Variants in ANO2 observed in about 807,000 individuals in gnomAD.
ANO2 encodes the protein anoctamin 2.
ANO2 carries 101 observed loss-of-function variants against 124.2 expected under a neutral mutation model. The observed-to-expected ratio is 0.81, with a 90% CI of 0.69 to 0.96. The LOEUF (loss-of-function observed/expected upper bound fraction) is 0.96, where lower values mean the gene tolerates loss of function less well. Ranked by LOEUF, ANO2 falls within the 40% of genes least tolerant of loss-of-function variation. The probability of loss-of-function intolerance (pLI) is 0.00; values close to 1 mark genes in which losing one functional copy is unlikely to be tolerated. For synonymous variants in ANO2, 486 were observed against 482.5 expected (o/e 1.01, Z -0.09); for missense variants, 1,293 against 1,274.5 (o/e 1.01, Z -0.22).
At chr12:5,670,943 G>C (rs1947968075) in intron 14 of ANO2, among the ~76,000 whole-genome samples, 1 of 152,152 alleles carries the variant, frequency 6.6e-6, no homozygotes, top group South Asian at 2.1e-4. Flanking sequence ...AGAAGCCTGA[G>C]GTTTCCACAG....
intron 7 of ANO2, among the ~76,000 whole-genome samples, chr12:5,813,704 G>A (rs1170560271): frequency 1.3e-5 from 2 of 152,128 alleles, no homozygotes; most frequent in Admixed American, 1.3e-4. Context: ...GCAACCCCAA[G>A]TCCTGGCCAC....
intron 14 of ANO2, among the ~76,000 whole-genome samples, chr12:5,717,936 C>T (rs1442138589): frequency 6.6e-6 from 1 of 152,210 alleles, no homozygotes; most frequent in Non-Finnish European, 1.5e-5. Context: ...GCTGCCCCAT[C>T]TGAAAGAAGA....
chr12:5,916,563 T>C (rs1941392254), intron 3 of ANO2, among the ~76,000 whole-genome samples: 1 of 150,130 alleles, frequency 6.7e-6, no homozygotes, highest in African/African-American at 2.5e-5. Context: ...TTAATGATAA[T>C]GTGTCAGTAT....
chr12:5,655,181 C>A (rs1025381260), intron 14 of ANO2, among the ~76,000 whole-genome samples: 6 of 152,208 alleles, frequency 3.9e-5, no homozygotes, highest in Non-Finnish European at 7.3e-5. Context: ...ATCTCAACTT[C>A]TCCTTTTGCC....
chr12:5,762,115 C>T (rs1050149051), intron 10 of ANO2, among the ~76,000 whole-genome samples: 1 of 151,990 alleles, frequency 6.6e-6, no homozygotes, highest in Admixed American at 6.5e-5. Flanking sequence ...TTAGATGTTT[C>T]TCAAATCTCT....
chr12:5,840,137 G>A (rs769025231), intron 4 of ANO2, among the ~76,000 whole-genome samples: 4 of 152,098 alleles, frequency 2.6e-5, no homozygotes, highest in African/African-American at 7.2e-5. Context: ...CTCAGAAATG[G>A]CGAGACACAT....
chr12:5,785,415 A>AT, intron 10 of ANO2, among the ~76,000 whole-genome samples: 1 of 152,240 alleles, frequency 6.6e-6, no homozygotes, highest in African/African-American at 2.4e-5. Context: ...CAGGAAGCCC[A>AT]CTTTGTGTCT....
intron 3 of ANO2, among the ~76,000 whole-genome samples, chr12:5,913,144 CG>C (rs1565773537): frequency 5.3e-5 from 8 of 152,142 alleles, no homozygotes; most frequent in Non-Finnish European, 1.2e-4. Flanking sequence ...CTCCAGGGGA[CG>C]CTGTCACCCT....
chr12:5,878,789 C>G (rs1433754600), intron 3 of ANO2, among the ~76,000 whole-genome samples: 1 of 152,156 alleles, frequency 6.6e-6, no homozygotes, highest in Non-Finnish European at 1.5e-5. Flanking sequence ...CTTAGAGATG[C>G]CAGGAAAGGC....
chr12:5,777,195 T>C (rs1461944457), intron 10 of ANO2, among the ~76,000 whole-genome samples: 1 of 152,186 alleles, frequency 6.6e-6, no homozygotes, highest in Non-Finnish European at 1.5e-5. Flanking sequence ...TCCAGTTAGC[T>C]GTAGGTGAGG....
chr12:5,835,836 G>T (rs1038431915), intron 4 of ANO2, among the ~76,000 whole-genome samples: 15 of 152,200 alleles, frequency 9.9e-5, no homozygotes, highest in African/African-American at 2.2e-4. Flanking sequence ...CCTCTCAGGT[G>T]TCTCTGGCCT....
intron 23 of ANO2, among the ~76,000 whole-genome samples, chr12:5,567,627 C>A (rs142795621): frequency 6.6e-6 from 1 of 152,234 alleles, no homozygotes; most frequent in South Asian, 2.1e-4. Flanking sequence ...TGCTCACTGA[C>A]CTCAGTATGC....
rs575871460 is a variant in ANO2 at position 5,769,799 on chromosome 12, T to C, written c.1056-18829A>G. 3.3e-5 allele frequency among the ~76,000 whole-genome samples: 5 copies of C among 152,300 alleles called. No individual in the cohort carries two copies. In the South Asian group the frequency reaches 1.0e-3, roughly 32 times the overall value. ...CTTAGGATCCTCACAAGAATCTAAGTGGATACAGGTGTTTGCAAACAAATG... is the reference window on the plus strand; with the variant it reads ...CTTAGGATCCTCACAAGAATCTAAGCGGATACAGGTGTTTGCAAACAAATG... On this transcript the variant is annotated intron_variant, in intron 10 of 24. Transcript: ENST00000682330. The surrounding 1 kb of genome is among the most constrained non-coding windows in gnomAD (Gnocchi z 4.0).
intron 10 of ANO2, among the ~76,000 whole-genome samples, chr12:5,760,792 T>A (rs1421410441): frequency 2.6e-5 from 4 of 152,012 alleles, no homozygotes; most frequent in African/African-American, 9.7e-5. Context: ...CACCTAAAAC[T>A]CCTCCAACTT....
At chr12:5,928,147 C>A (rs1565788659) in intron 1 of ANO2, among the ~76,000 whole-genome samples, 1 of 152,010 alleles carries the variant, frequency 6.6e-6, no homozygotes, top group Admixed American at 6.5e-5. Flanking sequence ...AGACCAGCAG[C>A]AGGAGGAGGA....
At chr12:5,685,350 T>G (rs567844983) in intron 14 of ANO2, among the ~76,000 whole-genome samples, 1 of 151,846 alleles carries the variant, frequency 6.6e-6, no homozygotes, top group Admixed American at 6.6e-5. Flanking sequence ...TCTCCACGAG[T>G]CTCCATGGTG....
At chr12:5,615,364 A>G in intron 16 of ANO2, 67 bp from the exon 17 acceptor site, 1 of 1,198,828 alleles carries the variant, frequency 8.3e-7, no homozygotes, top group Non-Finnish European at 1.2e-6. Context: ...GTTTTGACCT[A>G]GACATGAGCT....
chr12:5,566,034 G>A (rs957666889), intron 23 of ANO2, among the ~76,000 whole-genome samples: 1 of 152,172 alleles, frequency 6.6e-6, no homozygotes, highest in South Asian at 2.1e-4. Flanking sequence ...TGTGTGGGTA[G>A]GGGAGACCCA....
At chr12:5,603,638 A>G (rs959574706) in intron 19 of ANO2, among the ~76,000 whole-genome samples, 2 of 152,192 alleles carry the variant, frequency 1.3e-5, no homozygotes, top group Non-Finnish European at 2.9e-5. Context: ...TGCTTGCAGC[A>G]TAGAGTACAA....
Sources: gnomAD v4.1 joint callset for allele counts (sites outside exome capture counted in the v4.1 genomes callset) on GRCh38, gnomAD v4.1.1 for gene constraint, Gnocchi (gnomAD v3.1) non-coding constraint, MANE v1.5 for transcripts, NCBI Gene and HGNC (gene_info 2026-07-23, HGNC 2026-07-21) for gene names.